The following VCPKMT variants were observed in gnomAD, a reference collection of about 807,000 sequenced individuals.
VCPKMT encodes valosin containing protein lysine methyltransferase, also known as protein N-lysine methyltransferase METTL21D.
Under a neutral mutation model 28.6 loss-of-function variants are expected in VCPKMT, and 32 were observed. The observed-to-expected ratio is 1.12, with a 90% CI of 0.84 to 1.50. VCPKMT has a LOEUF of 1.50. Among genes scored for constraint, VCPKMT ranks in the 40% most tolerant of loss-of-function variants. The probability of loss-of-function intolerance (pLI) is 0.00; values close to 1 mark genes in which losing one functional copy is unlikely to be tolerated. For missense variants in VCPKMT, 366 were observed against 285.0 expected, an observed-to-expected ratio of 1.28 and a Z score of -2.05; for synonymous variants, 138 against 111.4, an observed-to-expected ratio of 1.24 and a Z score of -1.50.
intron 5 of VCPKMT, among the ~76,000 whole-genome samples, chr14:50,109,960 C>T (rs1485029298): frequency 6.6e-6 from 1 of 152,086 alleles, no homozygotes; most frequent in Non-Finnish European, 1.5e-5. Context: ...AAAGACACAA[C>T]ATAGGCCGGG....
intron 5 of VCPKMT, among the ~76,000 whole-genome samples, chr14:50,110,881 CTGAG>C (rs2139431271): frequency 6.6e-6 from 1 of 152,240 alleles, no homozygotes; most frequent in Non-Finnish European, 1.5e-5. Context: ...GAATACTGTG[CTGAG>C]TGAAAGAAGA....
chr14:50,107,210 G>A (rs993749139), downstream of VCPKMT, among the ~76,000 whole-genome samples: 1 of 152,240 alleles, frequency 6.6e-6, no homozygotes, highest in Non-Finnish European at 1.5e-5. Context: ...AGTAAGCCCT[G>A]TAGCATTCAC....
intron 5 of VCPKMT, chr14:50,111,934 C>A: frequency 4.1e-6 from 4 of 985,226 alleles, no homozygotes; most frequent in Non-Finnish European, 3.6e-6. Context: ...TTTCTACAGG[C>A]TCAAACCCTA....
In VCPKMT at chr14:50,112,506, G is replaced by C. The variant is rs897968741; in HGVS notation, c.675+109C>G. The C allele has an allele frequency of 6.4e-5, 39 of 607,626 alleles. No individual in the cohort carries two copies. The South Asian group carries it at 7.0e-4, about 11-fold the overall frequency. 37.6% of individuals were successfully genotyped at this position (607,626 alleles called of 1,614,324 possible). On this transcript the variant is annotated intron_variant, in intron 5 of 5. Transcript: ENST00000395860. ...ACTGCCTGAGTCCAGTGAATCATTA[G>C]AGCTGTTTCTCCACATCAAAATCAA...
Position 50,109,295 on chromosome 14 carries a change from A to T in VCPKMT, c.*404T>A, listed in dbSNP as rs1882478984. The T allele has an allele frequency of 1.0e-6, 1 of 991,994 alleles. No homozygotes were observed. Among genetic ancestry groups the T allele is most frequent in the Non-Finnish European group, 1.2e-6 (1 of 833,768 alleles). 61.4% of individuals were successfully genotyped at this position (991,994 alleles called of 1,614,324 possible). A position where few individuals can be genotyped will look rare whatever the true frequency, so the allele number is the denominator to read the frequency against. ...AGACAAACTAAAATTTACTAGTTTG[A>T]ATTTAAAACATTATTATATAATAGC... On this transcript the variant is annotated 3_prime_UTR_variant, in exon 6 of 6. Transcript: ENST00000395860.
At position 50,115,905 on chromosome 14, in the gene VCPKMT, T is replaced by C. The variant is rs1477790477; in HGVS notation, c.384A>G (p.Glu128=). Residue 128 remains glutamate (E), a synonymous_variant, in exon 3 of 6, where the codon GAA becomes GAG. Transcript: ENST00000395860. Reference sequence around the variant, plus strand: ...GTGGAGAAGGAAAGCCTTCTATTTCTTCCCCCCTTAAAAATGCCAAACAAA... The same window carrying C: ...GTGGAGAAGGAAAGCCTTCTATTTCCTCCCCCCTTAAAAATGCCAAACAAA... ...SVQAKVLKWG[E]EIEGFPSPPD... 5 of 1,613,342 alleles carry C rather than the reference T, an allele frequency of 3.1e-6. No homozygotes were observed. The highest frequency in any genetic ancestry group is 2.2e-5 in the East Asian group (1 of 44,850).
chr14:50,111,638 G>A, intron 5 of VCPKMT: 1 of 984,970 alleles, frequency 1.0e-6, no homozygotes, highest in Non-Finnish European at 1.2e-6. Context: ...AACAATTTGG[G>A]AGGCCGAGGT....
At chr14:50,107,093 AT>A (rs1882352404), downstream of VCPKMT, among the ~76,000 whole-genome samples, 1 of 152,206 alleles carries the variant, frequency 6.6e-6, no homozygotes, top group Non-Finnish European at 1.5e-5. Context: ...ACTAAATTAC[AT>A]TCCCTAACAA....
intron 3 of VCPKMT, among the ~76,000 whole-genome samples, chr14:50,115,206 G>A (rs922377783): frequency 1.4e-5 from 2 of 138,676 alleles, no homozygotes; most frequent in African/African-American, 5.7e-5. Flanking sequence ...AGGCTGGAAT[G>A]CAATGGCATG....
downstream of VCPKMT, among the ~76,000 whole-genome samples, chr14:50,104,727 T>C (rs1882265582): frequency 6.6e-6 from 1 of 151,766 alleles, no homozygotes; most frequent in Non-Finnish European, 1.5e-5. Flanking sequence ...GAAAAACTAA[T>C]TAAAATGAGA....
At chr14:50,109,884 C>A (rs188436431) in intron 5 of VCPKMT, among the ~76,000 whole-genome samples, 171 bp from the exon 6 acceptor site, 57 of 152,268 alleles carry the variant, frequency 3.7e-4, no homozygotes, top group Middle Eastern at 3.4e-3. Context: ...TTGCTGACAC[C>A]TAACAAGCAA....
chr14:50,115,763 A>C (rs2139449132), intron 3 of VCPKMT, 76 bp downstream of exon 3: 1 of 1,501,068 alleles, frequency 6.7e-7, no homozygotes, highest in Non-Finnish European at 9.1e-7. Context: ...TTAAAATGTG[A>C]AGAAACGTGT....
At position 50,109,453 on chromosome 14, in the gene VCPKMT, AG is replaced by A; in HGVS notation, c.*245del. ...TTGAATAACTGATTCCCAACATTTA[AG>A]AAGAACTTGATGCTGAACTAAGTAA... On this transcript the variant is annotated 3_prime_UTR_variant, in exon 6 of 6. Transcript: ENST00000395860. The A allele has an allele frequency of 2.5e-6, 3 of 1,217,950 alleles. No homozygotes were observed. Among genetic ancestry groups the A allele is most frequent in the Non-Finnish European group, 3.1e-6 (3 of 978,554 alleles). The allele number at this position is 1,217,950 out of a possible 1,614,324, so 75.4% of individuals were successfully genotyped here. A position where few individuals can be genotyped will look rare whatever the true frequency, so the allele number is the denominator to read the frequency against.
Position 50,116,447 on chromosome 14 carries a change from C to G in VCPKMT, c.106G>C (p.Gly36Arg), listed in dbSNP as rs772416468. The change falls in exon 1 of 6, where the codon GGT becomes CGT. Residue 36 changes from glycine (G) to arginine (R), a missense_variant. By Grantham distance (125) the Gly-to-Arg change is moderately radical. Transcript: ENST00000395860. ...TVLRLQQYSS[G>R]GVGCVVWDAA... Reference sequence around the variant, plus strand: ...TCCCACACAACGCAACCCACGCCACCGGAGCTATACTGCTGTAGTCGTAGC... The same window carrying G: ...TCCCACACAACGCAACCCACGCCACGGGAGCTATACTGCTGTAGTCGTAGC... 9.3e-6 allele frequency: 15 copies of G among 1,613,932 alleles called. No individual in the cohort carries two copies. Among genetic ancestry groups the G allele is most frequent in the Non-Finnish European group, 1.1e-5 (13 of 1,179,986 alleles).
At chr14:50,105,778 G>A (rs1480184185), downstream of VCPKMT, among the ~76,000 whole-genome samples, 3 of 152,202 alleles carry the variant, frequency 2.0e-5, no homozygotes, top group East Asian at 1.9e-4. Context: ...GTGTACAGAA[G>A]AGACTCAAGT....
chr14:50,105,775 G>C (rs1048721843), downstream of VCPKMT, among the ~76,000 whole-genome samples: 78 of 152,192 alleles, frequency 5.1e-4, 1 homozygote, highest in Non-Finnish European at 2.9e-5. Context: ...CTGGTGTACA[G>C]AAGAGACTCA....
chr14:50,115,710 C>G (rs1883110876), intron 3 of VCPKMT, 129 bp downstream of exon 3: 1 of 1,054,974 alleles, frequency 9.5e-7, no homozygotes, highest in African/African-American at 1.6e-5. Flanking sequence ...TTTATCTTCT[C>G]TTTACTGCAT....
chr14:50,103,789 G>A (rs1882232163), downstream of VCPKMT, among the ~76,000 whole-genome samples: 1 of 151,898 alleles, frequency 6.6e-6, no homozygotes, highest in Admixed American at 6.6e-5. Flanking sequence ...ACCGTGACTG[G>A]GCAGCAATGT....
At chr14:50,112,515 C>A in intron 5 of VCPKMT, 100 bp downstream of exon 5, 1 of 616,228 alleles carries the variant, frequency 1.6e-6, no homozygotes, top group Non-Finnish European at 2.8e-6. Flanking sequence ...AGAGCTGTTT[C>A]TCCACATCAA....
Sources: gnomAD v4.1 joint callset for allele counts (sites outside exome capture counted in the v4.1 genomes callset) on GRCh38, gnomAD v4.1.1 for gene constraint, MANE v1.5 for transcripts, NCBI Gene and HGNC (gene_info 2026-07-23, HGNC 2026-07-21) for gene names.